GCNT1: variants seen among roughly 807,000 people sequenced by gnomAD.
The protein encoded by GCNT1 is glucosaminyl (N-acetyl) transferase 1, also known as beta-1,3-galactosyl-O-glycosyl-glycoprotein beta-1,6-N-acetylglucosaminyltransferase.
In GCNT1, 16 loss-of-function variants were observed where a neutral mutation model predicts 26.2. The ratio of observed to expected loss-of-function variants is 0.61; its 90% CI spans 0.41 to 0.93. GCNT1 has a LOEUF of 0.93. Among genes scored for constraint, GCNT1 ranks in the 40% least tolerant of loss-of-function variants. GCNT1 has a pLI of 0.00. For missense variants in GCNT1, 477 were observed against 526.7 expected, an observed-to-expected ratio of 0.91 and a Z score of 0.92; for synonymous variants, 183 against 190.8, an observed-to-expected ratio of 0.96 and a Z score of 0.34.
At chr9:76,498,321 TC>T (rs1438325374) in intron 2 of GCNT1, among the ~76,000 whole-genome samples, 2 of 152,228 alleles carry the variant, frequency 1.3e-5, no homozygotes, top group Non-Finnish European at 2.9e-5. Flanking sequence ...TTTTCATTTT[TC>T]TTGGGTATAT....
At chr9:76,464,042 T>TG (rs916064416) in intron 2 of GCNT1, among the ~76,000 whole-genome samples, 4 of 151,146 alleles carry the variant, frequency 2.6e-5, no homozygotes, top group African/African-American at 9.7e-5. Context: ...TTTTTTGTTT[T>TG]TTTTTTTTTT....
At chr9:76,500,287 T>G (rs1159202143) in intron 2 of GCNT1, among the ~76,000 whole-genome samples, 2 of 152,212 alleles carry the variant, frequency 1.3e-5, no homozygotes, top group Non-Finnish European at 2.9e-5. Flanking sequence ...TTCTTTGTTA[T>G]TTGAGACCCA....
intron 1 of GCNT1, among the ~76,000 whole-genome samples, chr9:76,452,843 C>T (rs1363836633): frequency 6.6e-6 from 1 of 152,138 alleles, no homozygotes; most frequent in African/African-American, 2.4e-5. Flanking sequence ...CAGCTAGTTT[C>T]CCCTTCAGCC....
the GCNT1 span, chr9:76,394,577 C>G: frequency 6.2e-6 from 1 of 161,448 alleles, no homozygotes; most frequent in Non-Finnish European, 1.3e-5. Flanking sequence ...CCGCCGCTGC[C>G]TCGCCCGGCT....
intron 2 of GCNT1, among the ~76,000 whole-genome samples, chr9:76,491,171 G>A (rs1824726450): frequency 6.8e-6 from 1 of 146,682 alleles, no homozygotes; most frequent in African/African-American, 2.7e-5. Flanking sequence ...CTCTCTCTTT[G>A]ACTTTGTCTC....
chr9:76,405,600 A>G, the GCNT1 span, among the ~76,000 whole-genome samples: 1 of 152,162 alleles, frequency 6.6e-6, no homozygotes, highest in Non-Finnish European at 1.5e-5. Context: ...CTGTCTTCAT[A>G]GTTTTGCCTT....
intron 1 of GCNT1, among the ~76,000 whole-genome samples, chr9:76,430,373 A>G (rs1367404454): frequency 1.3e-5 from 2 of 151,904 alleles, no homozygotes; most frequent in Admixed American, 1.3e-4. Flanking sequence ...TTTTCACATA[A>G]TTATTGACAG....
chr9:76,430,728 G>A (rs1021599971), intron 1 of GCNT1, among the ~76,000 whole-genome samples: 2 of 151,658 alleles, frequency 1.3e-5, no homozygotes, highest in Non-Finnish European at 2.9e-5. Context: ...CAATGGCCCA[G>A]GCTGAAGTGC....
intron 3 of GCNT1, 38 bp from the exon 4 acceptor site, chr9:76,502,201 A>ATATT: frequency 5.4e-6 from 1 of 183,998 alleles, no homozygotes; most frequent in Non-Finnish European, 1.0e-5. Context: ...ATATATATAT[A>ATATT]TATTTATTTA....
At chr9:76,457,289 C>T (rs758285797), upstream of GCNT1, among the ~76,000 whole-genome samples, 17 of 152,186 alleles carry the variant, frequency 1.1e-4, no homozygotes, top group East Asian at 3.8e-4. Flanking sequence ...TGCTTTGTCA[C>T]GCAGGCCAGA....
chr9:76,435,960 T>A (rs1409412290), intron 1 of GCNT1, among the ~76,000 whole-genome samples: 2 of 147,976 alleles, frequency 1.4e-5, no homozygotes, highest in Non-Finnish European at 3.0e-5. Context: ...TCTTTTTTTT[T>A]TTTTTTTTTT....
At chr9:76,437,352 G>A (rs1823423437), upstream of GCNT1, among the ~76,000 whole-genome samples, 1 of 152,030 alleles carries the variant, frequency 6.6e-6, no homozygotes. Flanking sequence ...AAAGAAGCCG[G>A]CCAAACCCCA....
intron 2 of GCNT1, among the ~76,000 whole-genome samples, chr9:76,462,287 TA>T (rs1304244362): frequency 6.6e-6 from 1 of 152,246 alleles, no homozygotes; most frequent in Non-Finnish European, 1.5e-5. Context: ...TGACTGTTCA[TA>T]TAACCATATG....
In GCNT1 at chr9:76,502,828, C is replaced by G. The variant is rs1043099556; in HGVS notation, c.447C>G (p.Phe149Leu). The change falls in exon 4 of 4, where the codon TTC (phenylalanine) becomes TTG (leucine). Residue 149 changes from phenylalanine to leucine, a missense_variant. Transcript: ENST00000376730. ...LLRAIYMPQN[F>L]YCIHVDTKSE... ...GGGCCATCTATATGCCTCAGAATTT[C>G]TATTGCATTCATGTGGACACAAAAT... The G allele has an allele frequency of 2.5e-6, 4 of 1,614,084 alleles. No homozygotes were observed. The highest frequency in any genetic ancestry group is 1.6e-4 in the Middle Eastern group (1 of 6,062).
intron 1 of GCNT1, among the ~76,000 whole-genome samples, chr9:76,451,407 T>G (rs1027363233): frequency 6.6e-6 from 1 of 152,124 alleles, no homozygotes; most frequent in African/African-American, 2.4e-5. Flanking sequence ...ACTGAGCAAT[T>G]CAGATGCAAT....
At chr9:76,426,847 G>A (rs1446424700) in intron 1 of GCNT1, among the ~76,000 whole-genome samples, 3 of 152,134 alleles carry the variant, frequency 2.0e-5, no homozygotes, top group Non-Finnish European at 2.9e-5. Context: ...GGAGGCGGAG[G>A]TTGCAGTGAG....
At chr9:76,415,880 GT>G (rs1375238393), upstream of GCNT1, among the ~76,000 whole-genome samples, 1 of 152,122 alleles carries the variant, frequency 6.6e-6, no homozygotes. Context: ...ATTATTCAAT[GT>G]TTTTTTGTTC....
In GCNT1 at chr9:76,502,669, G is replaced by T; in HGVS notation, c.288G>T (p.Met96Ile). 1 of 1,614,082 alleles carries T rather than the reference G, an allele frequency of 6.2e-7. No homozygotes were observed. Among genetic ancestry groups the T allele is most frequent in the South Asian group, 1.1e-5 (1 of 91,050 alleles). The change falls in exon 4 of 4, where the codon ATG (methionine) becomes ATT (isoleucine). Residue 96 changes from methionine (M) to isoleucine (I), a missense_variant. Transcript: ENST00000376730. The stretch of plus-strand genomic sequence containing the variant: ...GGACACCTGACGACTATATAAACAT[G>T]ACCAGTGACTGTTCTTCTTTCATCA... ...PRWTPDDYIN[M>I]TSDCSSFIKR...
the GCNT1 span, among the ~76,000 whole-genome samples, chr9:76,401,233 A>G: frequency 2.6e-5 from 4 of 152,238 alleles, no homozygotes; most frequent in African/African-American, 9.6e-5. Context: ...TAGAAAATAA[A>G]TAATGTTTTA....
Sources: gnomAD v4.1 joint callset for allele counts (sites outside exome capture counted in the v4.1 genomes callset) on GRCh38, gnomAD v4.1.1 for gene constraint, MANE v1.5 for transcripts, NCBI Gene and HGNC (gene_info 2026-07-23, HGNC 2026-07-21) for gene names.